SH3BP4: variants seen among roughly 807,000 people sequenced by gnomAD.
The protein encoded by SH3BP4 is SH3 domain-binding protein 4.
In SH3BP4, 33 loss-of-function variants were observed where a neutral mutation model predicts 65.5. The observed-to-expected ratio is 0.50, with a 90% CI of 0.38 to 0.67. The LOEUF (loss-of-function observed/expected upper bound fraction) is 0.67, where lower values mean the gene tolerates loss of function less well. SH3BP4 is among the 30% of genes least tolerant of loss of function. The probability of loss-of-function intolerance (pLI) is 0.00; values close to 1 mark genes in which losing one functional copy is unlikely to be tolerated. For missense variants in SH3BP4, 1,134 were observed against 1,261.4 expected (o/e 0.90, Z 1.53); for synonymous variants, 552 against 545.5 (o/e 1.01, Z -0.17).
chr2:235,010,673 A>G (rs1376869989), intron 2 of SH3BP4, among the ~76,000 whole-genome samples: 2 of 152,170 alleles, frequency 1.3e-5, no homozygotes, highest in Admixed American at 1.3e-4. Context: ...TGGAGGCTGG[A>G]GCCTGAAAGC....
chr2:235,038,814 A>C (rs1369702136), intron 3 of SH3BP4, among the ~76,000 whole-genome samples: 1 of 152,024 alleles, frequency 6.6e-6, no homozygotes, highest in Non-Finnish European at 1.5e-5. Flanking sequence ...CGGTTTCTCA[A>C]ATTCCTCCAG....
chr2:234,992,365 C>G (rs888688711), intron 1 of SH3BP4, among the ~76,000 whole-genome samples: 1 of 152,156 alleles, frequency 6.6e-6, no homozygotes, highest in Non-Finnish European at 1.5e-5. Context: ...CCAGGCAGCT[C>G]CATGGCCTCA....
At position 235,034,727 on chromosome 2, in the gene SH3BP4, G is replaced by A. The variant is rs1695317228; in HGVS notation, c.-132-144G>A. 3 of 416,828 alleles carry A rather than the reference G, an allele frequency of 7.2e-6. 1 individual carries two copies. The highest frequency in any genetic ancestry group is 5.6e-5 in the South Asian group (2 of 35,662). 25.8% of individuals were successfully genotyped at this position (416,828 alleles called of 1,614,324 possible). A position where few individuals can be genotyped will look rare whatever the true frequency, so the allele number is the denominator to read the frequency against. ...GAGGCCAAGGAGCAAGCGCTGCTCT[G>A]CTCTGTTGGGCCAGGAAAGATGAAA... is the stretch of plus-strand genomic sequence containing the variant. On this transcript the variant is annotated intron_variant, in intron 2 of 5. Coordinates refer to ENST00000392011, the MANE Select transcript of SH3BP4 (RefSeq NM_014521.3). The surrounding 1 kb of genome is among the most constrained non-coding windows in gnomAD (Gnocchi z 6.2).
chr2:234,964,983 G>A (rs1692804124), intron 1 of SH3BP4, among the ~76,000 whole-genome samples: 1 of 152,006 alleles, frequency 6.6e-6, no homozygotes, highest in South Asian at 2.1e-4. Context: ...TAGCAGAGTC[G>A]GTCTCCCAGC....
intron 1 of SH3BP4, among the ~76,000 whole-genome samples, chr2:234,980,929 G>A (rs761359806): frequency 2.6e-5 from 4 of 152,188 alleles, no homozygotes; most frequent in South Asian, 2.1e-4. Context: ...TCACTGTGTC[G>A]CCCAGGCTGG....
intron 1 of SH3BP4, among the ~76,000 whole-genome samples, chr2:234,993,347 C>T (rs570248607): frequency 6.6e-6 from 1 of 152,310 alleles, no homozygotes; most frequent in African/African-American, 2.4e-5. Flanking sequence ...CCCATCTGTC[C>T]TTTATGACGG....
chr2:235,002,302 GT>G (rs1277971765), intron 2 of SH3BP4, among the ~76,000 whole-genome samples: 13 of 152,178 alleles, frequency 8.5e-5, no homozygotes, highest in Non-Finnish European at 2.9e-5. Context: ...GTGCACAGTG[GT>G]TTATAGTTTG....
chr2:235,047,357 G>A (rs900205509), intron 4 of SH3BP4, among the ~76,000 whole-genome samples: 2 of 152,178 alleles, frequency 1.3e-5, no homozygotes, highest in East Asian at 1.9e-4. Flanking sequence ...GCCCCCTGAT[G>A]CGTCAGAGGC....
At position 235,042,649 on chromosome 2, in the gene SH3BP4, A is replaced by G; in HGVS notation, c.1880A>G (p.Lys627Arg). Reference protein sequence around the residue: ...IKPSGQRRFLKKNEVGKIILS... With the variant: ...IKPSGQRRFLRKNEVGKIILS... ...CCTTCCGGGCAAAGGAGGTTTCTCAAGAAGAACGAAGTCGGGAAAATCATC... is the reference window on the plus strand; with the variant it reads ...CCTTCCGGGCAAAGGAGGTTTCTCAGGAAGAACGAAGTCGGGAAAATCATC... Residue 627 changes from lysine to arginine, a missense_variant, in exon 4 of 6, where the codon AAG (lysine) becomes AGG (arginine). Transcript: ENST00000392011. The surrounding 1 kb of genome is among the most constrained non-coding windows in gnomAD (Gnocchi z 7.3). 6.2e-7 allele frequency: 1 copy of G among 1,614,128 alleles called. No individual in the cohort carries two copies. Among genetic ancestry groups the G allele is most frequent in the Non-Finnish European group, 8.5e-7 (1 of 1,180,018 alleles).
chr2:235,034,732 G>C lies in SH3BP4; in HGVS notation c.-132-139G>C, dbSNP rs185193689. On this transcript the variant is annotated intron_variant, in intron 2 of 5. Transcript: ENST00000392011. This position sits in a 1 kb window ranked among gnomAD's most constrained non-coding sequence, Gnocchi z 6.2. ...CAAGGAGCAAGCGCTGCTCTGCTCT[G>C]TTGGGCCAGGAAAGATGAAATGGGT... 4.0e-5 allele frequency: 17 copies of C among 429,048 alleles called. No homozygotes were observed. Among genetic ancestry groups the C allele is most frequent in the South Asian group, 8.1e-5 (3 of 36,862 alleles). The allele number at this position is 429,048 out of a possible 1,614,324, so 26.6% of individuals were successfully genotyped here.
At position 235,052,841 on chromosome 2, in the gene SH3BP4, G is replaced by A. The variant is rs113655430; in HGVS notation, c.2667+91G>A. 2,912 of 1,274,892 alleles carry A rather than the reference G, an allele frequency of 2.3e-3. 42 individuals are homozygous for A. In the African/African-American group the frequency reaches 0.033, roughly 15 times the overall value. The allele number at this position is 1,274,892 out of a possible 1,614,324, so 79.0% of individuals were successfully genotyped here. A position where few individuals can be genotyped will look rare whatever the true frequency, so the allele number is the denominator to read the frequency against. On this transcript the variant is annotated intron_variant, in intron 5 of 5. Coordinates refer to ENST00000392011, the MANE Select transcript of SH3BP4 (RefSeq NM_014521.3). This position sits in a 1 kb window ranked among gnomAD's most constrained non-coding sequence, Gnocchi z 5.0. ...GTGCAGCCATAAAAAGTCTTGCCTC[G>A]CGGCATTTCTGTGAGGGTGCAACAG... is the stretch of plus-strand genomic sequence containing the variant.
intron 2 of SH3BP4, among the ~76,000 whole-genome samples, chr2:234,998,700 C>G (rs1255802926): frequency 6.6e-6 from 1 of 152,218 alleles, no homozygotes; most frequent in Non-Finnish European, 1.5e-5. Context: ...CCTGTACTCA[C>G]TACATGACCA....
rs141915148 is a variant in SH3BP4 at position 234,974,368 on chromosome 2, AAAAT to A, written c.-206-20923_-206-20920del. 0.058 allele frequency among the ~76,000 whole-genome samples: 8,777 copies of A among 152,182 alleles called. 305 individuals are homozygous for A. The highest frequency in any genetic ancestry group is 0.082 in the African/African-American group (3,392 of 41,502). On this transcript the variant is annotated intron_variant, in intron 1 of 5. Coordinates refer to ENST00000392011, the MANE Select transcript of SH3BP4 (RefSeq NM_014521.3). This position sits in a 1 kb window ranked among gnomAD's most constrained non-coding sequence, Gnocchi z 4.6. Reference sequence around the variant, plus strand: ...CAAAGAGCGAAACTCTGTCTAAAAAAAAATAAATAAATAAAAGAGAAAGAGAGAT... The same window carrying A: ...CAAAGAGCGAAACTCTGTCTAAAAAAAAATAAATAAAAGAGAAAGAGAGAT...
chr2:235,018,124 A>T, intron 2 of SH3BP4, among the ~76,000 whole-genome samples: 1 of 152,184 alleles, frequency 6.6e-6, no homozygotes, highest in East Asian at 1.9e-4. Flanking sequence ...GGTGTAGCCA[A>T]ACCCTTGGTG....
chr2:235,021,072 G>C (rs749468807), intron 2 of SH3BP4, among the ~76,000 whole-genome samples: 1 of 152,176 alleles, frequency 6.6e-6, no homozygotes, highest in Non-Finnish European at 1.5e-5. Flanking sequence ...TTGTGACAGA[G>C]AATATATGGC....
At chr2:234,955,719 T>A (rs1692570976) in intron 1 of SH3BP4, among the ~76,000 whole-genome samples, 1 of 152,282 alleles carries the variant, frequency 6.6e-6, no homozygotes, top group Admixed American at 6.5e-5. Context: ...AATTGCTGTA[T>A]GGAATTCCTC....
In SH3BP4 at chr2:234,987,064, G is replaced by A. The variant is rs112487001; in HGVS notation, c.-206-8239G>A. On this transcript the variant is annotated intron_variant, in intron 1 of 5. Transcript: ENST00000392011. ...TTGGATTACAGGCATGAGCCACCCC[G>A]CCCGGCCTGCTAATGGTTTTCAGAG... 6.1e-3 allele frequency among the ~76,000 whole-genome samples: 904 copies of A among 149,034 alleles called. 5 individuals are homozygous for A. The highest frequency in any genetic ancestry group is 0.017 in the African/African-American group (707 of 40,652).
At chr2:235,038,383 ATAT>A (rs1435840607) in intron 3 of SH3BP4, among the ~76,000 whole-genome samples, 3 of 17,298 alleles carry the variant, frequency 1.7e-4, no homozygotes, top group Non-Finnish European at 3.6e-4. Flanking sequence ...ATACATATAT[ATAT>A]ATATATATAT....
chr2:234,953,319 A>G (rs1411017002), intron 1 of SH3BP4: 1 of 152,224 alleles, frequency 6.6e-6, no homozygotes, highest in Admixed American at 6.5e-5. Context: ...GGCAGATTTG[A>G]ACATTAAGTT....
Sources: allele counts gnomAD v4.1 joint callset (sites outside exome capture counted in the v4.1 genomes callset), GRCh38; gene constraint gnomAD v4.1.1; non-coding constraint Gnocchi (gnomAD v3.1); transcripts MANE v1.5; gene names NCBI Gene and HGNC (gene_info 2026-07-23, HGNC 2026-07-21).